EXOC3: variants seen among roughly 807,000 people sequenced by gnomAD.
EXOC3 encodes SEC6-like 1.
EXOC3 carries 21 observed loss-of-function variants against 73.7 expected under a neutral mutation model. That is an observed-to-expected ratio of 0.29 (90% CI 0.20 to 0.41). EXOC3 has a LOEUF of 0.41. EXOC3 is among the 10% of genes least tolerant of loss of function. The pLI is 1.00. For synonymous variants in EXOC3, 410 were observed against 389.1 expected (o/e 1.05, Z -0.63); for missense variants, 842 against 985.1 (o/e 0.85, Z 1.95).
chr5:454,751 A>C (rs1395790537), intron 4 of EXOC3, among the ~76,000 whole-genome samples: 1 of 152,076 alleles, frequency 6.6e-6, no homozygotes, highest in Non-Finnish European at 1.5e-5. Context: ...AATTTATTTC[A>C]ATTTTCCATG....
chr5:448,776 G>A (rs934377465), intron 3 of EXOC3, among the ~76,000 whole-genome samples: 3 of 152,210 alleles, frequency 2.0e-5, no homozygotes, highest in Admixed American at 6.5e-5. Context: ...GCTTGCGGCT[G>A]CAGCATTGCC....
At position 467,119 on chromosome 5, in the gene EXOC3, T is replaced by C. The variant is rs1166729816; in HGVS notation, c.*221T>C. 2 of 562,730 alleles carry C rather than the reference T, an allele frequency of 3.6e-6. No homozygotes were observed. The highest frequency in any genetic ancestry group is 6.3e-6 in the Non-Finnish European group (2 of 315,284). 34.9% of individuals were successfully genotyped at this position (562,730 alleles called of 1,614,324 possible). A position where few individuals can be genotyped will look rare whatever the true frequency, so the allele number is the denominator to read the frequency against. Reference sequence around the variant, plus strand: ...TCAAAGGCCTGTGGGTGCAGGGCTCTGCCGCACAGCCTCTCTTGGGTGCTT... The same window carrying C: ...TCAAAGGCCTGTGGGTGCAGGGCTCCGCCGCACAGCCTCTCTTGGGTGCTT... On this transcript the variant is annotated 3_prime_UTR_variant, in exon 13 of 13. Transcript: ENST00000512944.
rs1579746981 is a variant in EXOC3, at chr5:465,331, C to T, written c.1938+59C>T. On this transcript the variant is annotated intron_variant, in intron 11 of 12. Transcript: ENST00000512944. ...CTGTCGCTCCGCGGCCCTGTTCAGC[C>T]TCCACCCCGGGACTCGGGCCAGTAG... is the stretch of plus-strand genomic sequence containing the variant. 32 of 1,529,746 alleles carry T rather than the reference C, an allele frequency of 2.1e-5. No homozygotes were observed. In the South Asian group the frequency reaches 2.6e-4, roughly 13 times the overall value. 94.8% of individuals were successfully genotyped at this position (1,529,746 alleles called of 1,614,324 possible). A position where few individuals can be genotyped will look rare whatever the true frequency, so the allele number is the denominator to read the frequency against.
intron 12 of EXOC3, 59 bp downstream of exon 12, chr5:465,904 C>G: frequency 6.5e-7 from 1 of 1,541,690 alleles, no homozygotes; most frequent in Admixed American, 1.9e-5. Context: ...CGGCAGGTCC[C>G]TCCTTCTGTC....
intron 4 of EXOC3, among the ~76,000 whole-genome samples, chr5:455,344 T>G (rs2126579740): frequency 6.6e-6 from 1 of 152,386 alleles, no homozygotes; most frequent in South Asian, 2.1e-4. Context: ...AGTGTTTTTC[T>G]GTCCTTGGGG....
At chr5:451,776 G>T (rs966336691) in intron 3 of EXOC3, among the ~76,000 whole-genome samples, 3 of 152,178 alleles carry the variant, frequency 2.0e-5, no homozygotes, top group African/African-American at 4.8e-5. Flanking sequence ...TTGTTTATCT[G>T]GGGATGTCTT....
At position 453,818 on chromosome 5, in the gene EXOC3, C is replaced by A. The variant is rs370956908; in HGVS notation, c.813C>A (p.Asp271Glu). The A allele has an allele frequency of 8.7e-6, 14 of 1,613,992 alleles. No homozygotes were observed. The highest frequency in any genetic ancestry group is 5.5e-5 in the South Asian group (5 of 91,090). ...EGTQADTRES[D>E]KMWLVRHLEI... Reference sequence around the variant, plus strand: ...CACAGGCAGATACCAGAGAGTCTGACAAGATGTGGCTTGTCCGCCACCTGG... The same window carrying A: ...CACAGGCAGATACCAGAGAGTCTGAAAAGATGTGGCTTGTCCGCCACCTGG... The change falls in exon 4 of 13, where the codon GAC (aspartate) becomes GAA (glutamate). Residue 271 changes from aspartate to glutamate, a missense_variant. Transcript: ENST00000512944.
chr5:449,103 A>C (rs1177046352), intron 3 of EXOC3, among the ~76,000 whole-genome samples: 2 of 152,242 alleles, frequency 1.3e-5, no homozygotes, highest in African/African-American at 4.8e-5. Context: ...TACTGGAATT[A>C]GTTTATCCAC....
chr5:467,264 T>TA lies in EXOC3; in HGVS notation c.*369dup, dbSNP rs1738179406. 1 of 227,866 alleles carries TA rather than the reference T, an allele frequency of 4.4e-6. No individual in the cohort carries two copies. Among genetic ancestry groups the TA allele is most frequent in the Non-Finnish European group, 8.5e-6 (1 of 117,270 alleles). The allele number at this position is 227,866 out of a possible 1,614,324, so 14.1% of individuals were successfully genotyped here. On this transcript the variant is annotated 3_prime_UTR_variant, in exon 13 of 13. Coordinates refer to ENST00000512944, the MANE Select transcript of EXOC3 (RefSeq NM_007277.5). ...AGTGCTCGGAACCCCGTCACCTAAT[T>TA]AAAGTTTCTCGGCTTCCTCAGAGAA... is the stretch of plus-strand genomic sequence containing the variant.
rs2126590514 is a variant in EXOC3, at chr5:467,087, T to G, written c.*189T>G. ...GAGGCCACGTGCGGAGGCCCCTCAC[T>G]GTGCTGTCAAAGGCCTGTGGGTGCA... On this transcript the variant is annotated 3_prime_UTR_variant, in exon 13 of 13. Transcript: ENST00000512944. The G allele has an allele frequency of 1.6e-6, 1 of 612,222 alleles. No individual in the cohort carries two copies. Among genetic ancestry groups the G allele is most frequent in the South Asian group, 2.0e-5 (1 of 49,392 alleles). The allele number at this position is 612,222 out of a possible 1,614,324, so 37.9% of individuals were successfully genotyped here. A position where few individuals can be genotyped will look rare whatever the true frequency, so the allele number is the denominator to read the frequency against.
At chr5:451,169 A>G (rs1332707982) in intron 3 of EXOC3, among the ~76,000 whole-genome samples, 2 of 152,258 alleles carry the variant, frequency 1.3e-5, no homozygotes, top group Admixed American at 6.5e-5. Flanking sequence ...TTGGTAGTAA[A>G]CATTTTAATT....
At chr5:449,726 T>TA (rs1737602059) in intron 3 of EXOC3, among the ~76,000 whole-genome samples, 3 of 152,248 alleles carry the variant, frequency 2.0e-5, no homozygotes, top group Admixed American at 1.3e-4. Context: ...TTCCACGTTT[T>TA]AGCTATTGTG....
At chr5:466,647 G>A in intron 12 of EXOC3, 80 bp from the exon 13 acceptor site, 2 of 1,414,242 alleles carry the variant, frequency 1.4e-6, no homozygotes, top group Non-Finnish European at 1.9e-6. Context: ...CAGCTGGGGT[G>A]GTGAAGCCGT....
rs1738114307 is a variant in EXOC3 at position 465,399 on chromosome 5, T to C, written c.1938+127T>C. The C allele has an allele frequency of 1.6e-5, 18 of 1,093,468 alleles. No individual in the cohort carries two copies. In the South Asian group the frequency reaches 2.7e-4, roughly 16 times the overall value. 67.7% of individuals were successfully genotyped at this position (1,093,468 alleles called of 1,614,324 possible). ...GTTTGTCAGGCGGGGGGAGCCTGGGTCCAGGTCCTGCCTGACCTTGTGGTT... is the reference window on the plus strand; with the variant it reads ...GTTTGTCAGGCGGGGGGAGCCTGGGCCCAGGTCCTGCCTGACCTTGTGGTT... On this transcript the variant is annotated intron_variant, in intron 11 of 12. Coordinates refer to ENST00000512944, the MANE Select transcript of EXOC3 (RefSeq NM_007277.5).
chr5:443,477 GGTGTCCTCCCCGGCACAT>G (rs1737403529), intron 1 of EXOC3, among the ~76,000 whole-genome samples, 187 bp downstream of exon 1: 1 of 152,226 alleles, frequency 6.6e-6, no homozygotes, highest in Non-Finnish European at 1.5e-5. Flanking sequence ...CCTCGGCGCA[GGTGTCCTCCCCGGCACAT>G]GTGTCCCCCC....
At chr5:453,329 G>A (rs754259117) in intron 3 of EXOC3, 41 bp from the exon 4 acceptor site, 4 of 1,477,668 alleles carry the variant, frequency 2.7e-6, no homozygotes, top group Middle Eastern at 1.8e-4. Context: ...CCTTTTATGT[G>A]GTGGTGGTTG....
intron 7 of EXOC3, 187 bp downstream of exon 7, chr5:459,646 G>A (rs1238960909): frequency 6.1e-6 from 3 of 490,692 alleles, no homozygotes; most frequent in Non-Finnish European, 1.1e-5. Flanking sequence ...TTCCCCTTGA[G>A]TGGACCACAC....
At chr5:459,231 T>C (rs1737910980) in intron 6 of EXOC3, 128 bp from the exon 7 acceptor site, 1 of 414,386 alleles carries the variant, frequency 2.4e-6, no homozygotes, top group Non-Finnish European at 4.3e-6. Flanking sequence ...GTTTCATTTT[T>C]TTTTTCTCTG....
chr5:465,569 T>G (rs1376599592), intron 11 of EXOC3, 149 bp from the exon 12 acceptor site: 10 of 1,031,380 alleles, frequency 9.7e-6, no homozygotes, highest in Admixed American at 2.3e-5. Flanking sequence ...CCCAGACCCC[T>G]GGCCCTGTCA....
Sources: gnomAD v4.1 joint callset for allele counts (sites outside exome capture counted in the v4.1 genomes callset) on GRCh38, gnomAD v4.1.1 for gene constraint, MANE v1.5 for transcripts, NCBI Gene and HGNC (gene_info 2026-07-23, HGNC 2026-07-21) for gene names.